CLMP: variants seen among roughly 807,000 people sequenced by gnomAD.
The protein encoded by CLMP is CXADR-like membrane protein.
CLMP carries 27 observed loss-of-function variants against 45.2 expected under a neutral mutation model. That is an observed-to-expected ratio of 0.60 (90% confidence interval 0.44 to 0.82). The LOEUF (loss-of-function observed/expected upper bound fraction) is 0.82. CLMP is among the 40% of genes least tolerant of loss of function. CLMP has a pLI of 0.00. For missense variants in CLMP, 403 were observed against 448.4 expected (o/e 0.90, Z 0.91); for synonymous variants, 167 against 171.4 (o/e 0.97, Z 0.20).
intron 5 of CLMP, among the ~76,000 whole-genome samples, chr11:123,077,761 T>C (rs2135463435): frequency 6.6e-6 from 1 of 152,318 alleles, no homozygotes; most frequent in East Asian, 1.9e-4. Flanking sequence ...ACACATAATC[T>C]AGATGGATTG....
At chr11:123,150,480 A>AAAGAAAGAAAGGAAGAAAGG (rs764502298) in intron 1 of CLMP, among the ~76,000 whole-genome samples, 4 of 40,962 alleles carry the variant, frequency 9.8e-5, no homozygotes, top group Admixed American at 8.1e-4. Flanking sequence ...AGAAAGAAAG[A>AAAGAAAGAAAGGAAGAAAGG]AAGGAAGGAA....
At chr11:123,184,190 G>A (rs1263749156) in intron 1 of CLMP, among the ~76,000 whole-genome samples, 1 of 152,094 alleles carries the variant, frequency 6.6e-6, no homozygotes, top group Non-Finnish European at 1.5e-5. Context: ...TGCCTCCCGG[G>A]TTCAAGTGAT....
chr11:123,079,387 T>C (rs1865775606), intron 5 of CLMP, among the ~76,000 whole-genome samples: 1 of 152,200 alleles, frequency 6.6e-6, no homozygotes, highest in African/African-American at 2.4e-5. Context: ...TTTGGGGGCC[T>C]CTTTATTCAT....
intron 1 of CLMP, among the ~76,000 whole-genome samples, chr11:123,126,809 ATGGCACGAACC>A (rs1860901940): frequency 6.6e-6 from 1 of 151,986 alleles, no homozygotes; most frequent in African/African-American, 2.4e-5. Context: ...AGGCAGGAGA[ATGGCACGAACC>A]TGGGAGGCGG....
chr11:123,100,795 T>G (rs906967306), intron 1 of CLMP, among the ~76,000 whole-genome samples: 27 of 152,110 alleles, frequency 1.8e-4, no homozygotes, highest in Admixed American at 1.7e-3. Context: ...CTCTGCTTTT[T>G]CCCAAAAACA....
chr11:123,085,769 G>GTTTTTT (rs200240564), intron 2 of CLMP, among the ~76,000 whole-genome samples: 4 of 134,206 alleles, frequency 3.0e-5, no homozygotes, highest in African/African-American at 5.5e-5. Context: ...AATTTTTTAT[G>GTTTTTT]TTTTTTTTTT....
At chr11:123,077,821 A>G (rs1389857066) in intron 5 of CLMP, among the ~76,000 whole-genome samples, 1 of 152,220 alleles carries the variant, frequency 6.6e-6, no homozygotes, top group East Asian at 1.9e-4. Context: ...ATGGAAAATA[A>G]TATATCTCAG....
intron 5 of CLMP, among the ~76,000 whole-genome samples, chr11:123,082,342 C>T (rs1216824281): frequency 6.6e-6 from 1 of 152,102 alleles, no homozygotes; most frequent in East Asian, 1.9e-4. Flanking sequence ...GGAGTCTCGC[C>T]CTGTTGTCCA....
At chr11:123,092,820 G>A (rs2135476944) in intron 2 of CLMP, among the ~76,000 whole-genome samples, 1 of 149,954 alleles carries the variant, frequency 6.7e-6, no homozygotes, top group Admixed American at 6.7e-5. Context: ...AGCTGCCCTT[G>A]AGCTCCTGAC....
chr11:123,157,949 C>T (rs1468553066), intron 1 of CLMP, among the ~76,000 whole-genome samples: 1 of 152,066 alleles, frequency 6.6e-6, no homozygotes, highest in Admixed American at 6.6e-5. Flanking sequence ...GCCTTCCCCA[C>T]AGCCATTTCT....
rs1389910439 is a variant in CLMP, at chr11:123,087,624, C to G, written c.187-2911G>C. Among the ~76,000 whole-genome samples, 4 of 152,096 alleles carry G rather than the reference C, an allele frequency of 2.6e-5. No individual in the cohort carries two copies. The South Asian group carries it at 8.3e-4, about 32-fold the overall frequency. ...GATCACGAGGTCAAGAGATCGAGAC[C>G]ATCCTGGCCAATATGGTGAAACCCT... On this transcript the variant is annotated intron_variant, in intron 2 of 6. Transcript: ENST00000448775.
chr11:123,137,706 C>G (rs879365263), intron 1 of CLMP, among the ~76,000 whole-genome samples: 1 of 152,014 alleles, frequency 6.6e-6, no homozygotes, highest in Non-Finnish European at 1.5e-5. Flanking sequence ...CTCTCGAAGG[C>G]GGCCACCCTG....
chr11:123,097,901 G>T lies in CLMP; in HGVS notation c.80C>A (p.Ala27Glu). ...LGTHTEIKRV[A>E]EEKVTLPCHH... ...GCAGGGCAAAGTGACCTTTTCCTCTGCCACTCTCTTGATCTCAGTGTGAGT... is the reference window on the plus strand; with the variant it reads ...GCAGGGCAAAGTGACCTTTTCCTCTTCCACTCTCTTGATCTCAGTGTGAGT... Residue 27 changes from alanine (A) to glutamate (E), a missense_variant, in exon 2 of 7, where the codon GCA (alanine) becomes GAA (glutamate). Physicochemically the swap from Ala to Glu is moderately radical, Grantham distance 107 (BLOSUM62 -1). Coordinates refer to ENST00000448775, the MANE Select transcript of CLMP (RefSeq NM_024769.5). 3.1e-6 allele frequency: 5 copies of T among 1,608,696 alleles called. No individual in the cohort carries two copies. The highest frequency in any genetic ancestry group is 4.2e-6 in the Non-Finnish European group (5 of 1,177,690).
At chr11:123,189,316 T>G (rs1386824348) in intron 1 of CLMP, among the ~76,000 whole-genome samples, 2 of 152,160 alleles carry the variant, frequency 1.3e-5, no homozygotes, top group Non-Finnish European at 2.9e-5. Context: ...AAACACATGG[T>G]TTTTGGAATC....
In CLMP at chr11:123,074,719, CTCT is replaced by C. The variant is rs760126097; in HGVS notation, c.801_803del (p.Glu268del). On this transcript the variant is annotated inframe_deletion, in exon 6 of 7. Transcript: ENST00000448775. ...AGGTTTACCGAATTTCATTAGGTCT[CTCT>C]TCTTCCTCATATCTTTCTTTGTCTT... is the stretch of plus-strand genomic sequence containing the variant. The C allele has an allele frequency of 6.2e-6, 10 of 1,614,148 alleles. No individual in the cohort carries two copies. In the Admixed American group the frequency reaches 1.2e-4, roughly 19 times the overall value.
intron 1 of CLMP, among the ~76,000 whole-genome samples, chr11:123,131,385 T>C (rs1455704682): frequency 1.3e-5 from 2 of 152,154 alleles, no homozygotes. Context: ...AAGAAATATT[T>C]TGACTCTTGG....
At chr11:123,093,984 C>T (rs1341813694) in intron 2 of CLMP, among the ~76,000 whole-genome samples, 7 of 152,228 alleles carry the variant, frequency 4.6e-5, no homozygotes, top group South Asian at 2.1e-4. Context: ...AGGATTTTTC[C>T]GCCATTTGGT....
At chr11:123,090,268 AC>A (rs2135474799) in intron 2 of CLMP, among the ~76,000 whole-genome samples, 1 of 127,032 alleles carries the variant, frequency 7.9e-6, no homozygotes, top group South Asian at 2.6e-4. Flanking sequence ...ACATTGCGAA[AC>A]CCCCATCTCC....
chr11:123,085,781 TTG>T (rs201800976), intron 2 of CLMP, among the ~76,000 whole-genome samples: 170 of 142,622 alleles, frequency 1.2e-3, no homozygotes, highest in African/African-American at 1.5e-3. Flanking sequence ...TTTTTTTTTT[TTG>T]TTTTTTTTTT....
Sources: allele counts gnomAD v4.1 joint callset (sites outside exome capture counted in the v4.1 genomes callset), GRCh38; gene constraint gnomAD v4.1.1; transcripts MANE v1.5; gene names NCBI Gene and HGNC (gene_info 2026-07-23, HGNC 2026-07-21).